The following BCAS3 variants were observed in gnomAD, a reference collection of about 807,000 sequenced individuals.
BCAS3 encodes BCAS4/BCAS3 fusion.
A neutral mutation model predicts 116.1 loss-of-function variants in BCAS3; 53 were observed. The ratio of observed to expected loss-of-function variants is 0.46; its 90% confidence interval spans 0.37 to 0.57. The LOEUF (loss-of-function observed/expected upper bound fraction) is 0.57, where lower values mean the gene tolerates loss of function less well. BCAS3 is among the 20% of genes least tolerant of loss of function. The probability of loss-of-function intolerance (pLI) is 0.00; values close to 1 mark genes in which losing one functional copy is unlikely to be tolerated. For synonymous variants in BCAS3, 391 were observed against 408.2 expected (o/e 0.96, Z 0.51); for missense variants, 917 against 1,165.4 (o/e 0.79, Z 3.10).
intron 23 of BCAS3, among the ~76,000 whole-genome samples, chr17:61,386,238 G>GCTCTTAACCA (rs1215488131): frequency 1.3e-5 from 2 of 152,192 alleles, no homozygotes; most frequent in African/African-American, 2.4e-5. Context: ...CAGGGGGTGT[G>GCTCTTAACCA]CTCTTAACCA....
chr17:60,864,325 G>A (rs1243451257), intron 7 of BCAS3, among the ~76,000 whole-genome samples: 1 of 152,202 alleles, frequency 6.6e-6, no homozygotes, highest in Non-Finnish European at 1.5e-5. Flanking sequence ...TGCCATTGTG[G>A]ATTTCATCAG....
intron 19 of BCAS3, among the ~76,000 whole-genome samples, chr17:61,067,739 AAAT>A (rs1479393812): frequency 8.4e-5 from 12 of 143,642 alleles, no homozygotes; most frequent in African/African-American, 2.5e-4. Flanking sequence ...AAAAAAAAAA[AAAT>A]ATATATATAT....
rs117166965 is a variant in BCAS3, at chr17:60,877,520, T to A, written c.661+2782T>A. 2.4e-4 allele frequency among the ~76,000 whole-genome samples: 37 copies of A among 152,318 alleles called. No individual in the cohort carries two copies. In the East Asian group the frequency reaches 7.1e-3, roughly 29 times the overall value. On this transcript the variant is annotated intron_variant, in intron 9 of 23. Coordinates refer to ENST00000407086, the MANE Select transcript of BCAS3 (RefSeq NM_017679.5). ...GCTTTCCTTTTTCTTTAATGTCTTT[T>A]TGGGACATCTTTGCCATGTATTCCT...
At chr17:61,049,865 A>G (rs906167899) in intron 19 of BCAS3, among the ~76,000 whole-genome samples, 1 of 151,094 alleles carries the variant, frequency 6.6e-6, no homozygotes, top group Non-Finnish European at 1.5e-5. Flanking sequence ...CTCAAGTAGC[A>G]GGGACCACAG....
chr17:61,095,945 G>T lies in BCAS3; in HGVS notation c.2425+11381G>T, dbSNP rs2073941900. Among the ~76,000 whole-genome samples the T allele has an allele frequency of 6.6e-6, 1 of 152,018 alleles. No individual in the cohort carries two copies. Among genetic ancestry groups the T allele is most frequent in the African/African-American group, 2.4e-5 (1 of 41,376 alleles). On this transcript the variant is annotated intron_variant, in intron 22 of 23. Coordinates refer to ENST00000407086, the MANE Select transcript of BCAS3 (RefSeq NM_017679.5). This position sits in a 1 kb window ranked among gnomAD's most constrained non-coding sequence, Gnocchi z 4.7. ...ATTGGATTGGGATTTCATTGAATCTGTATATCAAATTTGGAAGTATTGACA... is the reference window on the plus strand; with the variant it reads ...ATTGGATTGGGATTTCATTGAATCTTTATATCAAATTTGGAAGTATTGACA...
Position 61,007,783 on chromosome 17 carries a change from C to T in BCAS3, c.1487-7968C>T, listed in dbSNP as rs1447012538. ...GAGATTTCTCTAATCTTCCTACCTT[C>T]TCACCCTTTCTCAAAGTACCTACAG... is the stretch of plus-strand genomic sequence containing the variant. On this transcript the variant is annotated intron_variant, in intron 15 of 23. Transcript: ENST00000407086. This position sits in a 1 kb window ranked among gnomAD's most constrained non-coding sequence, Gnocchi z 4.3. Among the ~76,000 whole-genome samples the T allele has an allele frequency of 1.3e-5, 2 of 151,850 alleles. No homozygotes were observed. Among genetic ancestry groups the T allele is most frequent in the Non-Finnish European group, 2.9e-5 (2 of 67,966 alleles).
chr17:61,099,710 G>GAGTTATA (rs2074205812), intron 22 of BCAS3, among the ~76,000 whole-genome samples: 1 of 152,130 alleles, frequency 6.6e-6, no homozygotes, highest in African/African-American at 2.4e-5. Context: ...TAACTCTAGC[G>GAGTTATA]AAGTCTTGCT....
chr17:60,852,538 T>C (rs1026943274), intron 7 of BCAS3, among the ~76,000 whole-genome samples: 8 of 152,184 alleles, frequency 5.3e-5, no homozygotes, highest in African/African-American at 1.9e-4. Flanking sequence ...TAAAAAAGAA[T>C]TAGGATACAT....
chr17:61,353,177 C>T (rs2057952740), intron 22 of BCAS3, among the ~76,000 whole-genome samples: 1 of 152,148 alleles, frequency 6.6e-6, no homozygotes, highest in Admixed American at 6.6e-5. Flanking sequence ...ATGTCCTGTC[C>T]CCTCCCCTCC....
intron 9 of BCAS3, among the ~76,000 whole-genome samples, chr17:60,882,677 A>G (rs2056282823): frequency 1.3e-5 from 2 of 148,876 alleles, no homozygotes; most frequent in Admixed American, 1.3e-4. Context: ...CAGTTTTCCC[A>G]GCACCATTTA....
intron 12 of BCAS3, among the ~76,000 whole-genome samples, chr17:60,917,397 G>A (rs2058828416): frequency 1.3e-5 from 2 of 152,080 alleles, no homozygotes; most frequent in South Asian, 4.1e-4. Flanking sequence ...ATCACATAGT[G>A]CAATCCTACA....
At chr17:61,322,822 GAGAGAGACAGAGAGAGAGAGA>G in intron 22 of BCAS3, among the ~76,000 whole-genome samples, 1 of 125,326 alleles carries the variant, frequency 8.0e-6, no homozygotes, top group Non-Finnish European at 1.7e-5. Flanking sequence ...GAGAGAGAGA[GAGAGAGACAGAGAGAGAGAGA>G]GAGAGAGAGA....
At position 61,241,560 on chromosome 17, in the gene BCAS3, CA is replaced by C. The variant is rs1369178957; in HGVS notation, c.2426-126758del. ...CCCCACCTCTACTAAAAAAAAATTA[CA>C]AAAAAAAATTAGCCGGCCGTGGTGG... is the stretch of plus-strand genomic sequence containing the variant. On this transcript the variant is annotated intron_variant, in intron 22 of 23. Transcript: ENST00000407086. This position sits in a 1 kb window ranked among gnomAD's most constrained non-coding sequence, Gnocchi z 4.6. Among the ~76,000 whole-genome samples, 2 of 150,468 alleles carry C rather than the reference CA, an allele frequency of 1.3e-5. No homozygotes were observed. The highest frequency in any genetic ancestry group is 3.0e-5 in the Non-Finnish European group (2 of 67,540).
At chr17:60,988,338 C>CTTTT (rs71148317) in intron 14 of BCAS3, among the ~76,000 whole-genome samples, 79 of 66,776 alleles carry the variant, frequency 1.2e-3, no homozygotes, top group Non-Finnish European at 1.5e-3. Flanking sequence ...TTTTCTTTTT[C>CTTTT]TTTTTTTTTT....
At chr17:60,687,604 G>A (rs1020241060) in intron 3 of BCAS3, among the ~76,000 whole-genome samples, 4 of 151,888 alleles carry the variant, frequency 2.6e-5, no homozygotes, top group East Asian at 3.9e-4. Context: ...ACCCTGTCTC[G>A]AGAAATACAA....
chr17:61,276,529 A>G lies in BCAS3; in HGVS notation c.2426-91798A>G, dbSNP rs1007964485. 3.3e-5 allele frequency among the ~76,000 whole-genome samples: 5 copies of G among 152,234 alleles called. No homozygotes were observed. The highest frequency in any genetic ancestry group is 5.9e-5 in the Non-Finnish European group (4 of 68,048). On this transcript the variant is annotated intron_variant, in intron 22 of 23. Transcript: ENST00000407086. The surrounding 1 kb of genome is among the most constrained non-coding windows in gnomAD (Gnocchi z 4.2). Reference sequence around the variant, plus strand: ...TATAAACTACAAATCACTGGGAGAAATTACAGAAGAACTAAATAAATGGAA... The same window carrying G: ...TATAAACTACAAATCACTGGGAGAAGTTACAGAAGAACTAAATAAATGGAA...
intron 22 of BCAS3, among the ~76,000 whole-genome samples, chr17:61,341,545 C>T (rs1392193634): frequency 3.9e-5 from 6 of 152,198 alleles, no homozygotes; most frequent in Non-Finnish European, 8.8e-5. Flanking sequence ...CAGTGGCACT[C>T]AGCCCGCTGC....
At chr17:60,811,392 C>A in intron 7 of BCAS3, 1 of 611,668 alleles carries the variant, frequency 1.6e-6, no homozygotes, top group South Asian at 1.4e-5. Flanking sequence ...ATCCAGAAGA[C>A]CACCTCTCCC....
chr17:61,097,727 A>G lies in BCAS3; in HGVS notation c.2425+13163A>G, dbSNP rs537993370. On this transcript the variant is annotated intron_variant, in intron 22 of 23. Transcript: ENST00000407086. This position sits in a 1 kb window ranked among gnomAD's most constrained non-coding sequence, Gnocchi z 4.0. ...CTTGCCACATGTCTCATCTCATTTA[A>G]TCTTCTTTAATTAGGATCAAGGTCC... 6.6e-6 allele frequency among the ~76,000 whole-genome samples: 1 copy of G among 152,322 alleles called. No individual in the cohort carries two copies. The highest frequency in any genetic ancestry group is 6.5e-5 in the Admixed American group (1 of 15,304).
Sources: allele counts gnomAD v4.1 joint callset (sites outside exome capture counted in the v4.1 genomes callset), GRCh38; gene constraint gnomAD v4.1.1; non-coding constraint Gnocchi (gnomAD v3.1); transcripts MANE v1.5; gene names NCBI Gene and HGNC (gene_info 2026-07-23, HGNC 2026-07-21).